ADCY2: variants seen among roughly 807,000 people sequenced by gnomAD.
ADCY2 encodes the protein adenylate cyclase type 2.
A neutral mutation model predicts 125.2 loss-of-function variants in ADCY2; 31 were observed. That is an observed-to-expected ratio of 0.25 (90% confidence interval 0.19 to 0.33). The LOEUF (loss-of-function observed/expected upper bound fraction) is 0.33, where lower values mean the gene tolerates loss of function less well. Ranked by LOEUF, ADCY2 falls within the 10% of genes least tolerant of loss-of-function variation. ADCY2 has a pLI of 1.00. For missense variants in ADCY2, 904 were observed against 1,418.2 expected, an observed-to-expected ratio of 0.64 and a Z score of 5.82; for synonymous variants, 512 against 548.4, an observed-to-expected ratio of 0.93 and a Z score of 0.93.
chr5:7,581,458 A>G (rs1461685081), intron 3 of ADCY2, among the ~76,000 whole-genome samples: 2 of 151,946 alleles, frequency 1.3e-5, no homozygotes, highest in Non-Finnish European at 1.5e-5. Flanking sequence ...GCAAAGAGGT[A>G]TAGCTGCAAA....
At chr5:7,511,326 AG>A (rs1316435112) in intron 2 of ADCY2, among the ~76,000 whole-genome samples, 3 of 152,214 alleles carry the variant, frequency 2.0e-5, no homozygotes, top group African/African-American at 7.2e-5. Flanking sequence ...CTGTAATCCC[AG>A]TACTTTGGGA....
intron 1 of ADCY2, among the ~76,000 whole-genome samples, chr5:7,403,976 A>ACACAC (rs55749617): frequency 5.9e-5 from 9 of 151,548 alleles, no homozygotes; most frequent in Middle Eastern, 3.4e-3. Flanking sequence ...ACACACACAC[A>ACACAC]AAATTACTAA....
chr5:7,509,884 A>G (rs2126517370), intron 2 of ADCY2, among the ~76,000 whole-genome samples: 1 of 152,334 alleles, frequency 6.6e-6, no homozygotes, highest in African/African-American at 2.4e-5. Flanking sequence ...AATTTCCAAG[A>G]ATTTCCAATT....
intron 4 of ADCY2, among the ~76,000 whole-genome samples, chr5:7,638,184 A>C (rs887849911): frequency 6.6e-6 from 1 of 152,146 alleles, no homozygotes; most frequent in Non-Finnish European, 1.5e-5. Flanking sequence ...CTTTGTTATC[A>C]TATATTTTTT....
chr5:7,760,619 A>T (rs1743165412), intron 16 of ADCY2, among the ~76,000 whole-genome samples: 2 of 152,206 alleles, frequency 1.3e-5, no homozygotes. Context: ...TAAGAGTGAG[A>T]TCATTTTTTC....
chr5:7,569,910 T>C (rs779718661), intron 3 of ADCY2, among the ~76,000 whole-genome samples: 11 of 152,156 alleles, frequency 7.2e-5, no homozygotes, highest in East Asian at 1.9e-4. Flanking sequence ...GGAAAGTTCA[T>C]TGTGGTTTGA....
At position 7,612,998 on chromosome 5, in the gene ADCY2, C is replaced by T. The variant is rs1177916857; in HGVS notation, c.571-13169C>T. Among the ~76,000 whole-genome samples, 5 of 152,170 alleles carry T rather than the reference C, an allele frequency of 3.3e-5. No individual in the cohort carries two copies. The East Asian group carries it at 9.7e-4, about 29-fold the overall frequency. ...ACCACTGCACTCCAGTCCTCCAGCCCTCCAGCCTGGGCGACAGAGTGAGAC... is the reference window on the plus strand; with the variant it reads ...ACCACTGCACTCCAGTCCTCCAGCCTTCCAGCCTGGGCGACAGAGTGAGAC... On this transcript the variant is annotated intron_variant, in intron 3 of 24. Transcript: ENST00000338316.
intron 2 of ADCY2, among the ~76,000 whole-genome samples, chr5:7,444,113 T>G (rs866011324): frequency 7.0e-5 from 1 of 14,296 alleles, no homozygotes; most frequent in African/African-American, 2.8e-4. Context: ...TTTTATCTCT[T>G]TTTTTTTTTT....
At chr5:7,757,616 A>G (rs771304855) in intron 16 of ADCY2, 30 bp downstream of exon 16, 2 of 1,605,080 alleles carry the variant, frequency 1.2e-6, no homozygotes, top group South Asian at 2.2e-5. Context: ...CGTGTTCAAC[A>G]TGGTAAGCCC....
At chr5:7,434,963 T>C (rs1341377515) in intron 2 of ADCY2, among the ~76,000 whole-genome samples, 1 of 152,240 alleles carries the variant, frequency 6.6e-6, no homozygotes, top group Non-Finnish European at 1.5e-5. Context: ...TCAATTGCTA[T>C]TAAGAGAATG....
intron 16 of ADCY2, 120 bp from the exon 17 acceptor site, chr5:7,766,567 C>A: frequency 1.1e-6 from 1 of 949,060 alleles, no homozygotes; most frequent in Non-Finnish European, 1.6e-6. Context: ...ATTCCCGAGT[C>A]CACATAAACA....
chr5:7,497,407 T>C (rs1372789015), intron 2 of ADCY2, among the ~76,000 whole-genome samples: 2 of 152,144 alleles, frequency 1.3e-5, no homozygotes, highest in Admixed American at 1.3e-4. Context: ...GGAAATTAAT[T>C]TGAGCCTTCA....
At chr5:7,578,185 A>G (rs1736311705) in intron 3 of ADCY2, among the ~76,000 whole-genome samples, 3 of 152,194 alleles carry the variant, frequency 2.0e-5, no homozygotes, top group African/African-American at 7.2e-5. Context: ...ACATGAAAGG[A>G]GAATGCTTTT....
rs144590639 is a variant in ADCY2, at chr5:7,640,054, C to A, written c.720+13738C>A. 3.0e-3 allele frequency among the ~76,000 whole-genome samples: 461 copies of A among 152,270 alleles called. 1 individual carries two copies. Among genetic ancestry groups the A allele is most frequent in the Admixed American group, 5.7e-3 (87 of 15,294 alleles). On this transcript the variant is annotated intron_variant, in intron 4 of 24. Transcript: ENST00000338316. ...TAATCCAGATCTGAGGAAGAACAAG[C>A]ATTTAAGCTAGTCTTTATTAAAACA...
intron 15 of ADCY2, among the ~76,000 whole-genome samples, chr5:7,752,855 G>T (rs968300352): frequency 6.7e-6 from 1 of 148,642 alleles, no homozygotes; most frequent in Non-Finnish European, 1.5e-5. Context: ...ACACCCCACT[G>T]CTCGTTGTCC....
At chr5:7,518,182 TG>T (rs1744318227) in intron 2 of ADCY2, among the ~76,000 whole-genome samples, 1 of 152,166 alleles carries the variant, frequency 6.6e-6, no homozygotes, top group Non-Finnish European at 1.5e-5. Context: ...GTTGGAGACC[TG>T]GGAAAGGATC....
intron 12 of ADCY2, among the ~76,000 whole-genome samples, chr5:7,721,397 T>C (rs1165186845): frequency 6.6e-6 from 1 of 152,230 alleles, no homozygotes; most frequent in African/African-American, 2.4e-5. Context: ...AGCTCTTTAG[T>C]TTAATTAGCA....
At chr5:7,745,859 C>A (rs1415469580) in intron 15 of ADCY2, among the ~76,000 whole-genome samples, 1 of 152,158 alleles carries the variant, frequency 6.6e-6, no homozygotes, top group Non-Finnish European at 1.5e-5. Flanking sequence ...GACTTTTTTT[C>A]ATTCTACTCT....
At chr5:7,484,425 C>G (rs1322569120) in intron 2 of ADCY2, among the ~76,000 whole-genome samples, 2 of 152,148 alleles carry the variant, frequency 1.3e-5, no homozygotes, top group African/African-American at 2.4e-5. Context: ...GCCTGTTGAT[C>G]TAAAGGAAGC....
Sources: gnomAD v4.1 joint callset for allele counts (sites outside exome capture counted in the v4.1 genomes callset) on GRCh38, gnomAD v4.1.1 for gene constraint, MANE v1.5 for transcripts, NCBI Gene and HGNC (gene_info 2026-07-23, HGNC 2026-07-21) for gene names.